KIF18A: variants seen among roughly 807,000 people sequenced by gnomAD.
KIF18A encodes the protein kinesin family member 18A, also known as kinesin-like protein KIF18A.
In KIF18A, 67 loss-of-function variants were observed where a neutral mutation model predicts 103.3. That is an observed-to-expected ratio of 0.65 (90% CI 0.53 to 0.79). The LOEUF is 0.79. Ranked by LOEUF, KIF18A falls within the 30% of genes least tolerant of loss-of-function variation. The pLI is 0.00. For missense variants in KIF18A, 1,032 were observed against 1,062.5 expected (o/e 0.97, Z 0.40); for synonymous variants, 367 against 355.5 (o/e 1.03, Z -0.36).
intron 10 of KIF18A, among the ~76,000 whole-genome samples, chr11:28,073,089 AT>A (rs1049419928): frequency 2.0e-5 from 3 of 152,052 alleles, no homozygotes; most frequent in Non-Finnish European, 2.9e-5. Flanking sequence ...TTCCCAATCT[AT>A]TGTTAATAAT....
At chr11:28,072,963 G>T (rs1851040311) in intron 10 of KIF18A, among the ~76,000 whole-genome samples, 1 of 151,952 alleles carries the variant, frequency 6.6e-6, no homozygotes, top group South Asian at 2.1e-4. Flanking sequence ...TTAAAAAATG[G>T]AACTCAAAGT....
At chr11:28,091,022 CA>C (rs1452954668) in intron 4 of KIF18A, among the ~76,000 whole-genome samples, 6 of 151,816 alleles carry the variant, frequency 4.0e-5, no homozygotes. Context: ...CTGAGGCAGG[CA>C]GATCTTGAGC....
intron 1 of KIF18A, among the ~76,000 whole-genome samples, chr11:28,098,994 C>T (rs1851411958): frequency 6.6e-6 from 1 of 151,910 alleles, no homozygotes; most frequent in Non-Finnish European, 1.5e-5. Context: ...AGTATATATC[C>T]AAAGGAATTA....
intron 15 of KIF18A, among the ~76,000 whole-genome samples, chr11:28,024,203 A>C (rs986345175): frequency 3.3e-5 from 5 of 151,330 alleles, no homozygotes; most frequent in Non-Finnish European, 7.4e-5. Flanking sequence ...AAAAAAAAAA[A>C]AAAAAAAACT....
At position 28,088,676 on chromosome 11, in the gene KIF18A, C is replaced by T. The variant is rs1292614595; in HGVS notation, c.745G>A (p.Val249Ile). 6.2e-7 allele frequency: 1 copy of T among 1,613,950 alleles called. No individual in the cohort carries two copies. Among genetic ancestry groups the T allele is most frequent in the Admixed American group, 1.7e-5 (1 of 60,000 alleles). Residue 249 changes from valine to isoleucine, a missense_variant, in exon 6 of 17, where the codon GTC (valine) becomes ATC (isoleucine). Physicochemically the swap from Val to Ile is conservative, Grantham distance 29 (BLOSUM62 3). Transcript: ENST00000263181. ...QDKTASINQN[V>I]RIAKMSLIDL... ...ATGAGTGACATCTTGGCAATACGGA[C>T]ATTTTGATTGATACTTGCTGTTTTG...
At chr11:28,103,404 T>C (rs1590716315) in intron 1 of KIF18A, among the ~76,000 whole-genome samples, 1 of 151,612 alleles carries the variant, frequency 6.6e-6, no homozygotes, top group African/African-American at 2.4e-5. Flanking sequence ...AAGAAGAATA[T>C]TTGTCTAGTC....
chr11:28,065,662 T>G (rs890652869), intron 11 of KIF18A, among the ~76,000 whole-genome samples: 16 of 152,016 alleles, frequency 1.1e-4, no homozygotes, highest in Admixed American at 7.9e-4. Context: ...ACCATACCAT[T>G]TTTAAAATTG....
At chr11:28,092,858 A>G (rs555638396) in intron 3 of KIF18A, among the ~76,000 whole-genome samples, 3 of 152,318 alleles carry the variant, frequency 2.0e-5, no homozygotes, top group Non-Finnish European at 4.4e-5. Flanking sequence ...TATCTTTTTG[A>G]TGAGCAGCAG....
chr11:28,075,885 C>T (rs147462076), intron 10 of KIF18A, among the ~76,000 whole-genome samples: 6 of 152,052 alleles, frequency 3.9e-5, no homozygotes, highest in African/African-American at 1.4e-4. Context: ...TGGGTTGTAA[C>T]AATTTAAACC....
chr11:28,042,540 G>A (rs547067258), intron 13 of KIF18A, among the ~76,000 whole-genome samples: 1 of 152,030 alleles, frequency 6.6e-6, no homozygotes, highest in African/African-American at 2.4e-5. Context: ...GCTTGAAAAT[G>A]CAAAATGCAA....
intron 15 of KIF18A, among the ~76,000 whole-genome samples, chr11:28,024,957 A>G (rs2133482527): frequency 6.6e-6 from 1 of 152,208 alleles, no homozygotes; most frequent in Non-Finnish European, 1.5e-5. Context: ...TCTCCTACAC[A>G]TATCTATGAT....
intron 15 of KIF18A, among the ~76,000 whole-genome samples, chr11:28,024,849 T>C (rs957711002): frequency 6.6e-6 from 1 of 151,928 alleles, no homozygotes; most frequent in African/African-American, 2.4e-5. Flanking sequence ...AAAGATACTA[T>C]ATAGTAATCC....
intron 3 of KIF18A, 99 bp from the exon 4 acceptor site, chr11:28,091,612 CTA>C: frequency 1.8e-6 from 1 of 560,448 alleles, no homozygotes; most frequent in East Asian, 3.1e-5. Flanking sequence ...GAATTTTATC[CTA>C]AAGACAAGCA....
intron 9 of KIF18A, among the ~76,000 whole-genome samples, chr11:28,082,295 G>T (rs989197744): frequency 6.6e-6 from 1 of 152,048 alleles, no homozygotes. Context: ...ACACACTACA[G>T]ATAAATCTTT....
chr11:28,035,570 C>T (rs895513822), intron 14 of KIF18A, 76 bp from the exon 15 acceptor site: 5 of 758,346 alleles, frequency 6.6e-6, no homozygotes, highest in African/African-American at 1.8e-5. Context: ...CAAATGTGTC[C>T]ATAATTAGAA....
At chr11:28,042,858 T>A (rs1253143056) in intron 13 of KIF18A, among the ~76,000 whole-genome samples, 1 of 151,882 alleles carries the variant, frequency 6.6e-6, no homozygotes, top group Non-Finnish European at 1.5e-5. Flanking sequence ...AACATTATCA[T>A]CTGAGTGCCA....
chr11:28,081,665 C>A (rs1285099583), intron 9 of KIF18A, among the ~76,000 whole-genome samples: 2 of 152,148 alleles, frequency 1.3e-5, no homozygotes, highest in Non-Finnish European at 2.9e-5. Context: ...GTTTTCATGT[C>A]TGCTAACTCA....
chr11:28,075,881 G>A (rs1851084858), intron 10 of KIF18A, among the ~76,000 whole-genome samples: 1 of 152,082 alleles, frequency 6.6e-6, no homozygotes, highest in Non-Finnish European at 1.5e-5. Flanking sequence ...TACATGGGTT[G>A]TAACAATTTA....
intron 2 of KIF18A, among the ~76,000 whole-genome samples, chr11:28,095,678 A>G (rs896117348): frequency 2.6e-5 from 4 of 152,168 alleles, no homozygotes; most frequent in Admixed American, 2.6e-4. Flanking sequence ...TCTATTCAGT[A>G]CAAGAAAGTC....
Sources: allele counts gnomAD v4.1 joint callset (sites outside exome capture counted in the v4.1 genomes callset), GRCh38; gene constraint gnomAD v4.1.1; transcripts MANE v1.5; gene names NCBI Gene and HGNC (gene_info 2026-07-23, HGNC 2026-07-21).